RASGRF2: variants seen among roughly 807,000 people sequenced by gnomAD.
RASGRF2 encodes the protein Ras protein specific guanine nucleotide releasing factor 2, also known as ras-specific guanine nucleotide-releasing factor 2.
In RASGRF2, 76 loss-of-function variants were observed where a neutral mutation model predicts 151.0. The observed-to-expected ratio is 0.50, with a 90% CI of 0.42 to 0.61. The LOEUF is 0.61. RASGRF2 is among the 20% of genes least tolerant of loss of function. The pLI is 0.00. For missense variants in RASGRF2, 1,148 were observed against 1,564.6 expected (o/e 0.73, Z 4.49); for synonymous variants, 504 against 566.5 (o/e 0.89, Z 1.57).
intron 17 of RASGRF2, among the ~76,000 whole-genome samples, chr5:81,170,705 C>G (rs1392610648): frequency 1.3e-5 from 2 of 152,198 alleles, no homozygotes; most frequent in Non-Finnish European, 2.9e-5. Context: ...TCACATGGGC[C>G]TAGTCACCCT....
At chr5:81,063,817 A>T (rs892537084) in intron 2 of RASGRF2, among the ~76,000 whole-genome samples, 4 of 152,022 alleles carry the variant, frequency 2.6e-5, no homozygotes, top group African/African-American at 9.7e-5. Context: ...ACGCTTTTTT[A>T]AAAAAATCTG....
intron 2 of RASGRF2, among the ~76,000 whole-genome samples, chr5:81,067,684 G>A (rs26421): frequency 0.11 from 17,138 of 152,184 alleles, 1,254 homozygotes; most frequent in Non-Finnish European, 0.16. Flanking sequence ...TGGAAACCAT[G>A]TGCCAGAATT....
At chr5:81,069,151 A>G (rs1425910476) in intron 3 of RASGRF2, among the ~76,000 whole-genome samples, 2 of 152,308 alleles carry the variant, frequency 1.3e-5, no homozygotes, top group East Asian at 1.9e-4. Context: ...CCTCTGAGAC[A>G]TACCCTGTGA....
In RASGRF2 at chr5:80,960,859, G is replaced by T; in HGVS notation, c.121G>T (p.Glu41Ter). ...GACGGCCGAGGCGAGCCGCTGGCAC[G>T]AGAAGTGGTTCGCCCTCTACCAGAA... ...KKTAEASRWH[E>*]KWFALYQNVL... The change falls in exon 1 of 27, where the codon GAG (glutamate) becomes TAG (stop). Residue 41 changes from glutamate (E) to a stop codon, truncating the protein, a stop_gained. Coordinates refer to ENST00000265080, the MANE Select transcript of RASGRF2 (RefSeq NM_006909.3). LOFTEE classifies it high-confidence loss of function. This position sits in a 1 kb window ranked among gnomAD's most constrained non-coding sequence, Gnocchi z 5.5. 6.2e-7 allele frequency: 1 copy of T among 1,613,722 alleles called. No homozygotes were observed. Among genetic ancestry groups the T allele is most frequent in the Non-Finnish European group, 8.5e-7 (1 of 1,179,746 alleles).
intron 5 of RASGRF2, among the ~76,000 whole-genome samples, chr5:81,077,576 C>T (rs1278450537): frequency 6.6e-6 from 1 of 152,112 alleles, no homozygotes; most frequent in African/African-American, 2.4e-5. Context: ...GGGAGATTTC[C>T]CCACCTTGCT....
intron 8 of RASGRF2, 113 bp from the exon 9 acceptor site, chr5:81,086,722 G>A (rs557520060): frequency 2.6e-5 from 22 of 844,688 alleles, no homozygotes; most frequent in Non-Finnish European, 3.9e-5. Context: ...CAAACCCCCG[G>A]TTCAATCGAT....
At position 80,995,126 on chromosome 5, in the gene RASGRF2, G is replaced by A. The variant is rs1366761857; in HGVS notation, c.288+34100G>A. Among the ~76,000 whole-genome samples the A allele has an allele frequency of 5.3e-5, 8 of 151,922 alleles. No individual in the cohort carries two copies. The East Asian group carries it at 1.6e-3, about 29-fold the overall frequency. Reference sequence around the variant, plus strand: ...AAAAAATCACCCAGGCGCAGTGGCGGGTGCCTGTAGTCCCAGCTACTTAGG... The same window carrying A: ...AAAAAATCACCCAGGCGCAGTGGCGAGTGCCTGTAGTCCCAGCTACTTAGG... On this transcript the variant is annotated intron_variant, in intron 1 of 26. Coordinates refer to ENST00000265080, the MANE Select transcript of RASGRF2 (RefSeq NM_006909.3).
chr5:81,215,678 T>C (rs1327993613), intron 23 of RASGRF2, among the ~76,000 whole-genome samples, 198 bp from the exon 24 acceptor site: 1 of 152,082 alleles, frequency 6.6e-6, no homozygotes, highest in Non-Finnish European at 1.5e-5. Context: ...CACTTCCTCT[T>C]CTCCATATGT....
chr5:81,098,342 A>G (rs1752603329), intron 12 of RASGRF2, among the ~76,000 whole-genome samples: 1 of 152,174 alleles, frequency 6.6e-6, no homozygotes, highest in African/African-American at 2.4e-5. Flanking sequence ...ATAAATAAGC[A>G]GTGGGATATA....
At chr5:81,179,347 C>G (rs1310782629) in intron 17 of RASGRF2, among the ~76,000 whole-genome samples, 1 of 152,132 alleles carries the variant, frequency 6.6e-6, no homozygotes, top group South Asian at 2.1e-4. Flanking sequence ...CCCACAACAA[C>G]TTTATGAGGT....
At chr5:81,204,681 C>G (rs888738127) in intron 19 of RASGRF2, among the ~76,000 whole-genome samples, 44 of 152,068 alleles carry the variant, frequency 2.9e-4, no homozygotes, top group African/African-American at 1.0e-3. Flanking sequence ...TTCTAGATAC[C>G]CAACATGCCA....
At position 81,226,058 on chromosome 5, in the gene RASGRF2, G is replaced by T; in HGVS notation, c.*288G>T. On this transcript the variant is annotated 3_prime_UTR_variant, in exon 27 of 27. Transcript: ENST00000265080. ...AGATGCTAGTTGCCATTTTAACAAA[G>T]CAGGTAAATCGGTAAATTTTAAACT... 7.1e-6 allele frequency: 2 copies of T among 281,858 alleles called. No individual in the cohort carries two copies. Among genetic ancestry groups the T allele is most frequent in the Non-Finnish European group, 1.3e-5 (2 of 152,548 alleles). The allele number at this position is 281,858 out of a possible 1,614,324, so 17.5% of individuals were successfully genotyped here. A position where few individuals can be genotyped will look rare whatever the true frequency, so the allele number is the denominator to read the frequency against.
At chr5:81,055,648 A>T (rs548770645) in intron 2 of RASGRF2, among the ~76,000 whole-genome samples, 1 of 152,338 alleles carries the variant, frequency 6.6e-6, no homozygotes, top group East Asian at 1.9e-4. Context: ...GCATCATAAA[A>T]TGAGTTAGGG....
chr5:81,212,666 A>AGCC (rs202019514), intron 23 of RASGRF2, 103 bp downstream of exon 23: 22,520 of 1,157,542 alleles, frequency 0.019, 762 homozygotes, highest in Admixed American at 0.17. Context: ...AACTGAAATG[A>AGCC]GCCGCTCAGT....
intron 2 of RASGRF2, among the ~76,000 whole-genome samples, chr5:81,064,418 G>A (rs955978413): frequency 1.3e-5 from 2 of 152,122 alleles, no homozygotes; most frequent in Admixed American, 6.5e-5. Context: ...CTCCTGCCAT[G>A]TTGTATTCTT....
At chr5:81,143,505 A>T (rs1298468333) in intron 17 of RASGRF2, among the ~76,000 whole-genome samples, 4 of 152,222 alleles carry the variant, frequency 2.6e-5, no homozygotes, top group African/African-American at 9.6e-5. Context: ...TTAACAATGC[A>T]GGAATGCTGA....
In RASGRF2 at chr5:81,112,901, C is replaced by T. The variant is rs372504549; in HGVS notation, c.2087+43C>T. 15 of 1,610,400 alleles carry T rather than the reference C, an allele frequency of 9.3e-6. No individual in the cohort carries two copies. The African/African-American group carries it at 1.2e-4, about 13-fold the overall frequency. On this transcript the variant is annotated intron_variant, in intron 14 of 26. Coordinates refer to ENST00000265080, the MANE Select transcript of RASGRF2 (RefSeq NM_006909.3). ...GGTTAGCCTGTCATTCGCATATGGC[C>T]CTCTTCGTTCCGGAGTCACCATGAG...
chr5:80,974,777 C>A (rs1185893971), intron 1 of RASGRF2, among the ~76,000 whole-genome samples: 1 of 152,160 alleles, frequency 6.6e-6, no homozygotes, highest in African/African-American at 2.4e-5. Flanking sequence ...TCTGTGGCAG[C>A]AAACTAATAG....
At chr5:81,024,362 C>G (rs753561459) in intron 1 of RASGRF2, among the ~76,000 whole-genome samples, 13 of 144,652 alleles carry the variant, frequency 9.0e-5, no homozygotes, top group Non-Finnish European at 1.8e-4. Flanking sequence ...CAGGTTCAAG[C>G]AATTATCCTG....
Sources: gnomAD v4.1 joint callset for allele counts (sites outside exome capture counted in the v4.1 genomes callset) on GRCh38, gnomAD v4.1.1 for gene constraint, Gnocchi (gnomAD v3.1) non-coding constraint, MANE v1.5 for transcripts, NCBI Gene and HGNC (gene_info 2026-07-23, HGNC 2026-07-21) for gene names.